The following FOXN2 variants were observed in gnomAD, a reference collection of about 807,000 sequenced individuals.
The protein encoded by FOXN2 is forkhead box N2, also known as forkhead box protein N2.
FOXN2 carries 19 observed loss-of-function variants against 41.2 expected under a neutral mutation model. The observed-to-expected ratio is 0.46, with a 90% CI of 0.32 to 0.68. The LOEUF is 0.68. FOXN2 is among the 30% of genes least tolerant of loss of function. FOXN2 has a pLI of 0.03. For missense variants in FOXN2, 587 were observed against 509.4 expected, an observed-to-expected ratio of 1.15 and a Z score of -1.47; for synonymous variants, 195 against 176.8, an observed-to-expected ratio of 1.10 and a Z score of -0.82.
intron 5 of FOXN2, among the ~76,000 whole-genome samples, chr2:48,368,406 G>C (rs1672665565): frequency 1.3e-5 from 2 of 152,140 alleles, no homozygotes; most frequent in African/African-American, 2.4e-5. Flanking sequence ...TGAACGCGGT[G>C]GTTCATGCTC....
rs542102549 is a variant in FOXN2 at position 48,365,734 on chromosome 2, T to G, written c.703+3027T>G. 1.7e-3 allele frequency among the ~76,000 whole-genome samples: 252 copies of G among 152,308 alleles called. 1 individual carries two copies. Among genetic ancestry groups the G allele is most frequent in the African/African-American group, 6.0e-3 (248 of 41,564 alleles). ...GTTCCTCTAGTAATAATTAACTTAGTGGGGAGGTCGTTGGCATTCTAGGTT... is the reference window on the plus strand; with the variant it reads ...GTTCCTCTAGTAATAATTAACTTAGGGGGGAGGTCGTTGGCATTCTAGGTT... On this transcript the variant is annotated intron_variant, in intron 5 of 6. Coordinates refer to ENST00000340553, the MANE Select transcript of FOXN2 (RefSeq NM_002158.4).
At chr2:48,320,664 A>T (rs112796192) in intron 1 of FOXN2, among the ~76,000 whole-genome samples, 1 of 152,208 alleles carries the variant, frequency 6.6e-6, no homozygotes, top group Non-Finnish European at 1.5e-5. Flanking sequence ...GTGTAAATGT[A>T]ATACTGGGTA....
At chr2:48,319,247 T>C (rs1669130820) in intron 1 of FOXN2, among the ~76,000 whole-genome samples, 1 of 145,304 alleles carries the variant, frequency 6.9e-6, no homozygotes, top group African/African-American at 2.5e-5. Flanking sequence ...GAAGCCATGC[T>C]TACATATTTA....
At position 48,378,985 on chromosome 2, in the gene FOXN2, A is replaced by G. The variant is rs570676638; in HGVS notation, c.*3542A>G. The G allele has an allele frequency of 6.5e-6, 1 of 152,714 alleles. No individual in the cohort carries two copies. Among genetic ancestry groups the G allele is most frequent in the South Asian group, 2.1e-4 (1 of 4,832 alleles). The allele number at this position is 152,714 out of a possible 1,614,324, so 9.5% of individuals were successfully genotyped here. The stretch of plus-strand genomic sequence containing the variant: ...TAATTGCCAATTGATTGTAACTATT[A>G]TTTATTTTTAAATGAAAGTGTAAGA... On this transcript the variant is annotated 3_prime_UTR_variant, in exon 7 of 7. Transcript: ENST00000340553.
chr2:48,375,677 T>TC lies in FOXN2; in HGVS notation c.*236dup. On this transcript the variant is annotated 3_prime_UTR_variant, in exon 7 of 7. Transcript: ENST00000340553. The stretch of plus-strand genomic sequence containing the variant: ...AAGCATAATTTTTGTGATAAATGTG[T>TC]CCAAGATTTGAAAATTTTTATATAA... The TC allele has an allele frequency of 2.7e-6, 1 of 372,092 alleles. No homozygotes were observed. Among genetic ancestry groups the TC allele is most frequent in the East Asian group, 4.2e-5 (1 of 23,964 alleles). The allele number at this position is 372,092 out of a possible 1,614,324, so 23.0% of individuals were successfully genotyped here.
chr2:48,317,652 G>T (rs1669016154), intron 1 of FOXN2, among the ~76,000 whole-genome samples: 1 of 119,248 alleles, frequency 8.4e-6, no homozygotes, highest in Non-Finnish European at 1.6e-5. Context: ...CTTTCTCCCA[G>T]GCTGGAGTGC....
intron 2 of FOXN2, among the ~76,000 whole-genome samples, chr2:48,337,076 A>G (rs1216239488): frequency 6.8e-6 from 1 of 147,518 alleles, no homozygotes; most frequent in African/African-American, 2.5e-5. Context: ...TTTTGTACTC[A>G]TTAACCACCC....
intron 1 of FOXN2, among the ~76,000 whole-genome samples, chr2:48,321,938 G>A (rs1040351599): frequency 1.3e-5 from 2 of 152,140 alleles, no homozygotes; most frequent in African/African-American, 4.8e-5. Flanking sequence ...TACATAATTA[G>A]AATAGCAAGT....
chr2:48,369,234 GT>G (rs1348374629), intron 5 of FOXN2, among the ~76,000 whole-genome samples: 3 of 152,156 alleles, frequency 2.0e-5, no homozygotes, highest in Non-Finnish European at 4.4e-5. Flanking sequence ...CATAATGGAT[GT>G]TTGTTAAAAG....
At position 48,359,108 on chromosome 2, in the gene FOXN2, C is replaced by G; in HGVS notation, c.599C>G (p.Ala200Gly). 1 of 1,613,694 alleles carries G rather than the reference C, an allele frequency of 6.2e-7. No homozygotes were observed. Among genetic ancestry groups the G allele is most frequent in the South Asian group, 1.1e-5 (1 of 91,062 alleles). Residue 200 changes from alanine (A) to glycine (G), a missense_variant, in exon 4 of 7, where the codon GCA (alanine) becomes GGA (glycine). Ala to Gly is a moderately conservative substitution (Grantham distance 60). Coordinates refer to ENST00000340553, the MANE Select transcript of FOXN2 (RefSeq NM_002158.4). ...DPEYKPNLIQ[A>G]LKKQPFSSAS... ...GAATATAAACCCAATCTTATCCAGG[C>G]ACTGAAGAAGCAACCTTTTTCTTCA...
In FOXN2 at chr2:48,376,511, C is replaced by G. The variant is rs553382606; in HGVS notation, c.*1068C>G. Reference sequence around the variant, plus strand: ...TCTTAATAGATTTAATGCAATTTTACAGACACAATACCTTCATGAATTTCA... The same window carrying G: ...TCTTAATAGATTTAATGCAATTTTAGAGACACAATACCTTCATGAATTTCA... On this transcript the variant is annotated 3_prime_UTR_variant, in exon 7 of 7. Transcript: ENST00000340553. 6.6e-6 allele frequency: 1 copy of G among 152,478 alleles called. No homozygotes were observed. The highest frequency in any genetic ancestry group is 1.5e-5 in the Non-Finnish European group (1 of 67,950). 9.4% of individuals were successfully genotyped at this position (152,478 alleles called of 1,614,324 possible). A position where few individuals can be genotyped will look rare whatever the true frequency, so the allele number is the denominator to read the frequency against.
At chr2:48,324,880 A>G (rs968309504) in intron 1 of FOXN2, among the ~76,000 whole-genome samples, 6 of 152,232 alleles carry the variant, frequency 3.9e-5, no homozygotes, top group Non-Finnish European at 7.3e-5. Flanking sequence ...TCTAACAGAA[A>G]AAAGTTGGGG....
chr2:48,314,882 CG>C (rs1668783706), intron 1 of FOXN2, 68 bp downstream of exon 1: 1 of 151,894 alleles, frequency 6.6e-6, no homozygotes, highest in Admixed American at 6.6e-5. Context: ...GCGCAGCTCC[CG>C]GGCGCGGAGG....
chr2:48,318,935 A>G (rs1022009334), intron 1 of FOXN2, among the ~76,000 whole-genome samples: 2 of 152,244 alleles, frequency 1.3e-5, no homozygotes, highest in East Asian at 3.8e-4. Flanking sequence ...AAGTTTAAAT[A>G]TATGTACCAT....
At chr2:48,367,938 G>A (rs1672634192) in intron 5 of FOXN2, among the ~76,000 whole-genome samples, 1 of 152,160 alleles carries the variant, frequency 6.6e-6, no homozygotes, top group Admixed American at 6.5e-5. Flanking sequence ...CACCTCCTGG[G>A]TTCAAGTGAT....
chr2:48,363,625 A>G (rs1208585932), intron 5 of FOXN2, among the ~76,000 whole-genome samples: 1 of 152,154 alleles, frequency 6.6e-6, no homozygotes, highest in Non-Finnish European at 1.5e-5. Context: ...ACCATTTTAA[A>G]TATTTGTATA....
intron 5 of FOXN2, among the ~76,000 whole-genome samples, chr2:48,363,287 G>GA (rs1672317575): frequency 6.6e-6 from 1 of 151,926 alleles, no homozygotes. Flanking sequence ...TTTAAAAATA[G>GA]AAAAAAGCTT....
At chr2:48,361,879 G>A (rs573524561) in intron 4 of FOXN2, among the ~76,000 whole-genome samples, 3 of 152,202 alleles carry the variant, frequency 2.0e-5, no homozygotes, top group South Asian at 2.1e-4. Context: ...TCACTACCAA[G>A]TGTTCCTTAA....
intron 1 of FOXN2, among the ~76,000 whole-genome samples, chr2:48,327,288 A>G (rs1415702037): frequency 6.6e-6 from 1 of 151,910 alleles, no homozygotes; most frequent in East Asian, 1.9e-4. Flanking sequence ...ACTAACATCC[A>G]CTCACTTGCT....
Sources: gnomAD v4.1 joint callset for allele counts (sites outside exome capture counted in the v4.1 genomes callset) on GRCh38, gnomAD v4.1.1 for gene constraint, MANE v1.5 for transcripts, NCBI Gene and HGNC (gene_info 2026-07-23, HGNC 2026-07-21) for gene names.